Variants in CLNK observed in about 807,000 individuals in gnomAD.
CLNK encodes the protein cytokine dependent hematopoietic cell linker.
CLNK carries 74 observed loss-of-function variants against 68.6 expected under a neutral mutation model. The ratio of observed to expected loss-of-function variants is 1.08; its 90% confidence interval spans 0.89 to 1.31. The LOEUF (loss-of-function observed/expected upper bound fraction) is 1.31. Among genes scored for constraint, CLNK ranks in the 50% most tolerant of loss-of-function variants. The pLI is 0.00. For synonymous variants in CLNK, 198 were observed against 172.2 expected, an observed-to-expected ratio of 1.15 and a Z score of -1.17; for missense variants, 553 against 515.3, an observed-to-expected ratio of 1.07 and a Z score of -0.71.
At chr4:10,556,159 G>A (rs1719666175) in intron 8 of CLNK, among the ~76,000 whole-genome samples, 1 of 152,194 alleles carries the variant, frequency 6.6e-6, no homozygotes, top group Non-Finnish European at 1.5e-5. Flanking sequence ...CTACAAAACA[G>A]AGCACTAACT....
chr4:10,528,186 C>T (rs187340216), intron 12 of CLNK, 92 bp from the exon 13 acceptor site: 122 of 540,630 alleles, frequency 2.3e-4, no homozygotes, highest in Non-Finnish European at 3.3e-4. Flanking sequence ...ATTTGGTTGG[C>T]AGACTTTTGG....
chr4:10,493,488 G>A (rs1310477458), intron 18 of CLNK, among the ~76,000 whole-genome samples: 1 of 152,150 alleles, frequency 6.6e-6, no homozygotes, highest in Non-Finnish European at 1.5e-5. Flanking sequence ...GGTCCAAAGA[G>A]CAATGCACTC....
chr4:10,669,045 A>G (rs969436000), intron 1 of CLNK, among the ~76,000 whole-genome samples: 1 of 152,198 alleles, frequency 6.6e-6, no homozygotes, highest in Non-Finnish European at 1.5e-5. Flanking sequence ...TGAGGTCCAG[A>G]GGACCCAGAA....
intron 2 of CLNK, among the ~76,000 whole-genome samples, chr4:10,662,042 G>T (rs1243762771): frequency 6.6e-6 from 1 of 152,046 alleles, no homozygotes; most frequent in Non-Finnish European, 1.5e-5. Context: ...CCCTATGCAA[G>T]AAAAGAACTG....
At chr4:10,673,916 T>C (rs1298177739) in intron 1 of CLNK, among the ~76,000 whole-genome samples, 3 of 152,136 alleles carry the variant, frequency 2.0e-5, no homozygotes, top group Admixed American at 2.0e-4. Context: ...GCCCCAGAAA[T>C]GGAGCACAAC....
intron 1 of CLNK, among the ~76,000 whole-genome samples, chr4:10,683,134 G>C (rs373445358): frequency 1.3e-5 from 2 of 152,118 alleles, no homozygotes; most frequent in South Asian, 4.1e-4. Flanking sequence ...ATTAAAAAGG[G>C]GGAGGAAATG....
chr4:10,625,420 G>T (rs933684499), intron 2 of CLNK, among the ~76,000 whole-genome samples: 5 of 152,212 alleles, frequency 3.3e-5, no homozygotes. Flanking sequence ...TTCTGGGCTT[G>T]TTGCTCTCTT....
intron 18 of CLNK, among the ~76,000 whole-genome samples, chr4:10,500,184 G>T (rs2109023593): frequency 6.6e-6 from 1 of 152,348 alleles, no homozygotes; most frequent in Non-Finnish European, 1.5e-5. Context: ...CACATCCTTA[G>T]AAATGGTGGC....
chr4:10,628,511 A>G (rs767710340), intron 2 of CLNK, among the ~76,000 whole-genome samples: 8 of 152,258 alleles, frequency 5.3e-5, no homozygotes, highest in East Asian at 3.9e-4. Context: ...CCAGACTAAG[A>G]CGGCACCTAG....
chr4:10,500,879 G>A (rs11734998), intron 18 of CLNK, among the ~76,000 whole-genome samples: 151,182 of 152,280 alleles, frequency 0.99, 75,060 homozygotes, highest in East Asian at 1. Flanking sequence ...GGGGACACGA[G>A]TCTATAGATA....
intron 14 of CLNK, among the ~76,000 whole-genome samples, chr4:10,524,300 G>A (rs1718211669): frequency 6.6e-6 from 1 of 152,084 alleles, no homozygotes; most frequent in Non-Finnish European, 1.5e-5. Context: ...AAGGCATAGG[G>A]TATGGTGATC....
At chr4:10,662,354 A>G (rs1242306194) in intron 2 of CLNK, among the ~76,000 whole-genome samples, 1 of 152,226 alleles carries the variant, frequency 6.6e-6, no homozygotes, top group Non-Finnish European at 1.5e-5. Context: ...AATTCAGAAT[A>G]TGGTGGATTT....
intron 15 of CLNK, among the ~76,000 whole-genome samples, chr4:10,514,995 G>C (rs930153156): frequency 6.6e-6 from 1 of 152,190 alleles, no homozygotes; most frequent in Non-Finnish European, 1.5e-5. Flanking sequence ...CCAGCACTTC[G>C]GGAGGCCGAG....
chr4:10,603,707 C>A (rs539479228), intron 2 of CLNK, among the ~76,000 whole-genome samples: 1 of 152,324 alleles, frequency 6.6e-6, no homozygotes, highest in South Asian at 2.1e-4. Context: ...CTGAGTATCC[C>A]ATGTTGGGGT....
intron 2 of CLNK, among the ~76,000 whole-genome samples, chr4:10,627,334 C>T (rs1396465014): frequency 6.6e-6 from 1 of 152,156 alleles, no homozygotes; most frequent in Non-Finnish European, 1.5e-5. Context: ...TTTAGAGCCT[C>T]AACAAAATGA....
intron 18 of CLNK, among the ~76,000 whole-genome samples, chr4:10,496,022 G>A (rs575972370): frequency 6.6e-6 from 1 of 152,300 alleles, no homozygotes; most frequent in Admixed American, 6.5e-5. Flanking sequence ...CTCCAGCACT[G>A]TGAAACAAGA....
At chr4:10,593,730 T>C (rs1050696570) in intron 3 of CLNK, among the ~76,000 whole-genome samples, 4 of 152,192 alleles carry the variant, frequency 2.6e-5, no homozygotes, top group Non-Finnish European at 5.9e-5. Context: ...CTGGGCCTCA[T>C]GGGCCCTGAG....
chr4:10,563,159 G>T (rs1719965929), intron 7 of CLNK, among the ~76,000 whole-genome samples: 1 of 152,174 alleles, frequency 6.6e-6, no homozygotes, highest in Non-Finnish European at 1.5e-5. Flanking sequence ...CAAATTAACA[G>T]AAGCCCTCAA....
the CLNK span, among the ~76,000 whole-genome samples, chr4:10,716,291 A>G: frequency 1.8e-4 from 28 of 152,346 alleles, no homozygotes; most frequent in East Asian, 2.3e-3. Context: ...TAATAAATAA[A>G]TAAATGTCTC....
Sources: gnomAD v4.1 joint callset for allele counts (sites outside exome capture counted in the v4.1 genomes callset) on GRCh38, gnomAD v4.1.1 for gene constraint, MANE v1.5 for transcripts, NCBI Gene and HGNC (gene_info 2026-07-23, HGNC 2026-07-21) for gene names.